The following THRB variants were observed in gnomAD, a reference collection of about 807,000 sequenced individuals.
THRB encodes nuclear receptor subfamily 1 group A member 2.
A neutral mutation model predicts 47.8 loss-of-function variants in THRB; 12 were observed. That is an observed-to-expected ratio of 0.25 (90% confidence interval 0.16 to 0.41). The LOEUF (loss-of-function observed/expected upper bound fraction) is 0.41, where lower values mean the gene tolerates loss of function less well. Ranked by LOEUF, THRB falls within the 10% of genes least tolerant of loss-of-function variation. THRB has a pLI of 1.00. For missense variants in THRB, 348 were observed against 589.2 expected (o/e 0.59, Z 4.24); for synonymous variants, 218 against 212.2 (o/e 1.03, Z -0.24).
At chr3:24,164,360 G>T (rs1264419922) in intron 5 of THRB, among the ~76,000 whole-genome samples, 2 of 152,144 alleles carry the variant, frequency 1.3e-5, no homozygotes, top group Non-Finnish European at 2.9e-5. Flanking sequence ...TTCATAAAGA[G>T]AATTCACTTG....
intron 3 of THRB, among the ~76,000 whole-genome samples, chr3:24,279,561 A>ATTT (rs35249696): frequency 1.8e-4 from 25 of 141,098 alleles, no homozygotes; most frequent in South Asian, 1.1e-3. Flanking sequence ...ATTTTTTTGT[A>ATTT]TTTTTTTTTT....
Position 24,284,227 on chromosome 3 carries a change from A to C in THRB, c.-43+12999T>G, listed in dbSNP as rs535237106. On this transcript the variant is annotated intron_variant, in intron 3 of 10. Coordinates refer to ENST00000646209, the MANE Select transcript of THRB (RefSeq NM_001354712.2). ...AAAACAGCATGGTACTGGTACCAAA[A>C]CAGAGATATAGATCAACGGAACAGA... Among the ~76,000 whole-genome samples the C allele has an allele frequency of 5.7e-3, 862 of 151,572 alleles. 14 individuals are homozygous for C. Among genetic ancestry groups the C allele is most frequent in the African/African-American group, 0.02 (810 of 41,310 alleles).
At chr3:24,190,410 G>C in intron 4 of THRB, 76 bp from the exon 5 acceptor site, 2 of 1,575,198 alleles carry the variant, frequency 1.3e-6, no homozygotes, top group Middle Eastern at 1.8e-4. Context: ...GTTTTGGAAG[G>C]CAAGTTGTTT....
chr3:24,184,827 C>T (rs1006606574), intron 5 of THRB, among the ~76,000 whole-genome samples: 5 of 152,148 alleles, frequency 3.3e-5, no homozygotes, highest in Admixed American at 6.5e-5. Context: ...GTAGTACTGG[C>T]GGAAGGGCAC....
intron 5 of THRB, chr3:24,165,005 ATT>A (rs775701069): frequency 4.2e-6 from 3 of 718,006 alleles, no homozygotes; most frequent in Non-Finnish European, 7.6e-6. Context: ...CTTTGAACAA[ATT>A]TAAGCAAAAT....
rs112576640 is a variant in THRB at position 24,489,930 on chromosome 3, C to T, written c.-261+4722G>A. 7.5e-3 allele frequency among the ~76,000 whole-genome samples: 1,149 copies of T among 152,240 alleles called. 13 individuals are homozygous for T. Among genetic ancestry groups the T allele is most frequent in the South Asian group, 0.033 (157 of 4,814 alleles). On this transcript the variant is annotated intron_variant, in intron 1 of 10. Coordinates refer to ENST00000646209, the MANE Select transcript of THRB (RefSeq NM_001354712.2). Reference sequence around the variant, plus strand: ...ACCGGTCTAAATATATTCAACTCCCCTACTACTTGGATACAAGAGATTCTT... The same window carrying T: ...ACCGGTCTAAATATATTCAACTCCCTTACTACTTGGATACAAGAGATTCTT...
intron 1 of THRB, among the ~76,000 whole-genome samples, chr3:24,338,753 G>A (rs537036168): frequency 4.2e-4 from 64 of 152,312 alleles, no homozygotes; most frequent in African/African-American, 1.5e-3. Context: ...TGGACACTCA[G>A]TATGTTAAAA....
chr3:24,407,090 G>T (rs1419759327), intron 1 of THRB, among the ~76,000 whole-genome samples: 3 of 151,774 alleles, frequency 2.0e-5, no homozygotes, highest in Non-Finnish European at 4.4e-5. Context: ...ACAAACTTTG[G>T]CAGTGGGTAT....
At chr3:24,139,172 T>C (rs184490094) in intron 8 of THRB, among the ~76,000 whole-genome samples, 1 of 152,144 alleles carries the variant, frequency 6.6e-6, no homozygotes, top group South Asian at 2.1e-4. Context: ...GAGATTTGAG[T>C]AGATTGGAGA....
At chr3:24,220,028 A>G (rs1446797814) in intron 4 of THRB, among the ~76,000 whole-genome samples, 1 of 152,234 alleles carries the variant, frequency 6.6e-6, no homozygotes, top group African/African-American at 2.4e-5. Flanking sequence ...ATTTTTTAAC[A>G]GATCTCCAGC....
chr3:24,422,046 A>G (rs2069312875), intron 1 of THRB, among the ~76,000 whole-genome samples: 1 of 151,970 alleles, frequency 6.6e-6, no homozygotes, highest in African/African-American at 2.4e-5. Context: ...TCCTGTGCAT[A>G]ATTGCTTTAC....
At chr3:24,336,103 T>C (rs1505299) in intron 2 of THRB, among the ~76,000 whole-genome samples, 1,706 of 152,330 alleles carry the variant, frequency 0.011, 36 homozygotes, top group African/African-American at 0.038. Context: ...TGAAGATTCT[T>C]AGTGATCTCT....
At chr3:24,190,477 C>T in intron 4 of THRB, 143 bp from the exon 5 acceptor site, 1 of 1,061,832 alleles carries the variant, frequency 9.4e-7, no homozygotes, top group Non-Finnish European at 1.4e-6. Flanking sequence ...TGATAAGATG[C>T]AGAATTTGTC....
At chr3:24,256,645 G>A (rs1452617047) in intron 3 of THRB, among the ~76,000 whole-genome samples, 4 of 152,128 alleles carry the variant, frequency 2.6e-5, no homozygotes, top group African/African-American at 9.7e-5. Flanking sequence ...TACAAGAAGG[G>A]TGGACACCTC....
At position 24,339,488 on chromosome 3, in the gene THRB, T is replaced by A. The variant is rs1212461871; in HGVS notation, c.-260-2117A>T. Among the ~76,000 whole-genome samples the A allele has an allele frequency of 2.6e-5, 4 of 152,252 alleles. No individual in the cohort carries two copies. The East Asian group carries it at 7.7e-4, about 29-fold the overall frequency. ...AGAATCGCACCCAGGCAGTCTGATGTCATGGGCCTTGTTCTAAATGATTGA... is the reference window on the plus strand; with the variant it reads ...AGAATCGCACCCAGGCAGTCTGATGACATGGGCCTTGTTCTAAATGATTGA... On this transcript the variant is annotated intron_variant, in intron 1 of 10. Transcript: ENST00000646209.
At chr3:24,175,503 T>C (rs2041021462) in intron 5 of THRB, among the ~76,000 whole-genome samples, 1 of 152,166 alleles carries the variant, frequency 6.6e-6, no homozygotes, top group South Asian at 2.1e-4. Context: ...AATGCACATA[T>C]ACAAAAGTGA....
chr3:24,190,527 G>A (rs918696045), intron 4 of THRB, among the ~76,000 whole-genome samples, 193 bp from the exon 5 acceptor site: 7 of 152,026 alleles, frequency 4.6e-5, no homozygotes, highest in South Asian at 2.1e-4. Context: ...GTTGCCTGTC[G>A]GAGTAATCAA....
chr3:24,358,983 A>C (rs1213756434), intron 1 of THRB, among the ~76,000 whole-genome samples: 1 of 152,200 alleles, frequency 6.6e-6, no homozygotes, highest in Non-Finnish European at 1.5e-5. Flanking sequence ...GGGAAGAATG[A>C]ATGTGACTCT....
chr3:24,212,423 G>A (rs768857554), intron 4 of THRB, among the ~76,000 whole-genome samples: 21 of 145,498 alleles, frequency 1.4e-4, no homozygotes, highest in Non-Finnish European at 2.9e-4. Flanking sequence ...AACAAAAAAC[G>A]AAACGAAAAT....
Sources: allele counts gnomAD v4.1 joint callset (sites outside exome capture counted in the v4.1 genomes callset), GRCh38; gene constraint gnomAD v4.1.1; transcripts MANE v1.5; gene names NCBI Gene and HGNC (gene_info 2026-07-23, HGNC 2026-07-21).